Variants in ARHGAP17 observed in about 807,000 individuals in gnomAD.
ARHGAP17 encodes Rho GTPase activating protein 17, also known as rho GTPase-activating protein 17.
Under a neutral mutation model 99.5 loss-of-function variants are expected in ARHGAP17, and 57 were observed. That is an observed-to-expected ratio of 0.57 (90% CI 0.46 to 0.71). The LOEUF (loss-of-function observed/expected upper bound fraction) is 0.71. Ranked by LOEUF, ARHGAP17 falls within the 30% of genes least tolerant of loss-of-function variation. ARHGAP17 has a pLI of 0.00. For synonymous variants in ARHGAP17, 417 were observed against 429.6 expected (o/e 0.97, Z 0.36); for missense variants, 1,000 against 1,122.4 (o/e 0.89, Z 1.56).
chr16:24,976,211 G>T (rs1421598805), intron 3 of ARHGAP17, among the ~76,000 whole-genome samples: 1 of 152,180 alleles, frequency 6.6e-6, no homozygotes, highest in Non-Finnish European at 1.5e-5. Context: ...CTTGGAAAAA[G>T]CAGCTTTCTC....
In ARHGAP17 at chr16:24,954,702, C is replaced by T. The variant is rs778447658; in HGVS notation, c.753G>A (p.Gly251=). The T allele has an allele frequency of 3.8e-5, 61 of 1,613,798 alleles. No individual in the cohort carries two copies. Among genetic ancestry groups the T allele is most frequent in the Non-Finnish European group, 5.0e-5 (59 of 1,179,896 alleles). The change falls in exon 10 of 20, where the codon GGG becomes GGA. Residue 251 remains glycine, a synonymous_variant. Transcript: ENST00000289968. ...TCTTCAGGTGTTCTTCTAGGGGAGT[C>T]CCAAAGGCTGGTTTTTCCGCCCACT... ...QDKWAEKPAF[G]TPLEEHLKRS... is the part of the protein sequence containing the mutation.
chr16:24,959,798 G>A (rs1183911821), intron 8 of ARHGAP17, 46 bp from the exon 9 acceptor site: 8 of 1,607,784 alleles, frequency 5.0e-6, no homozygotes, highest in Non-Finnish European at 6.8e-6. Context: ...GTTAGCATCG[G>A]ATGGACACAC....
In ARHGAP17 at chr16:24,971,440, G is replaced by A. The variant is rs1433468038; in HGVS notation, c.199-860C>T. Reference sequence around the variant, plus strand: ...CGCCTGCCAGGTTCAAGTGATTCTCGTGCCTCAGCCTCCCCTGCTGTGATT... The same window carrying A: ...CGCCTGCCAGGTTCAAGTGATTCTCATGCCTCAGCCTCCCCTGCTGTGATT... On this transcript the variant is annotated intron_variant, in intron 3 of 19. Transcript: ENST00000289968. 2.0e-5 allele frequency among the ~76,000 whole-genome samples: 3 copies of A among 149,482 alleles called. 1 individual carries two copies. The highest frequency in any genetic ancestry group is 4.2e-4 in the South Asian group (2 of 4,734).
chr16:25,014,908 G>A (rs1346619321), intron 1 of ARHGAP17, among the ~76,000 whole-genome samples: 4 of 152,310 alleles, frequency 2.6e-5, no homozygotes, highest in African/African-American at 9.6e-5. Flanking sequence ...TCTACTCCCC[G>A]AGGGCGATGC....
At chr16:24,995,858 C>T (rs967027876) in intron 1 of ARHGAP17, among the ~76,000 whole-genome samples, 1 of 152,090 alleles carries the variant, frequency 6.6e-6, no homozygotes, top group Non-Finnish European at 1.5e-5. Context: ...ACAAATAAAA[C>T]TGCACTCACT....
intron 1 of ARHGAP17, among the ~76,000 whole-genome samples, chr16:24,990,992 T>C (rs1400403408): frequency 2.0e-5 from 3 of 152,116 alleles, no homozygotes; most frequent in Non-Finnish European, 4.4e-5. Flanking sequence ...ATGTGCATGA[T>C]TCACAACTGG....
chr16:24,946,982 C>T (rs974811753), intron 14 of ARHGAP17, among the ~76,000 whole-genome samples: 1 of 152,110 alleles, frequency 6.6e-6, no homozygotes, highest in Admixed American at 6.5e-5. Flanking sequence ...CCCAGTAGTC[C>T]CAAGTTACTC....
intron 9 of ARHGAP17, 82 bp from the exon 10 acceptor site, chr16:24,954,812 C>T (rs2141247043): frequency 6.4e-7 from 1 of 1,557,840 alleles, no homozygotes; most frequent in African/African-American, 1.4e-5. Context: ...ACCCAATGGG[C>T]TTTTCTAGCC....
chr16:24,927,963 C>T (rs918946432), intron 19 of ARHGAP17, among the ~76,000 whole-genome samples: 1 of 152,204 alleles, frequency 6.6e-6, no homozygotes, highest in Non-Finnish European at 1.5e-5. Context: ...AATCTCCCCC[C>T]AAGAGTTTAT....
chr16:25,014,734 CAGG>C (rs1264802594), intron 1 of ARHGAP17, among the ~76,000 whole-genome samples: 19 of 152,338 alleles, frequency 1.2e-4, no homozygotes, highest in African/African-American at 4.6e-4. Context: ...CATGCACTTA[CAGG>C]AGAAGGACTC....
chr16:24,986,459 A>G (rs6497766), intron 1 of ARHGAP17, among the ~76,000 whole-genome samples: 75,728 of 152,066 alleles, frequency 0.5, 20,443 homozygotes, highest in African/African-American at 0.72. Context: ...GCTCAGAAGA[A>G]TGGTTATTTT....
intron 14 of ARHGAP17, among the ~76,000 whole-genome samples, chr16:24,946,925 A>G (rs2051490616): frequency 6.6e-6 from 1 of 152,360 alleles, no homozygotes; most frequent in East Asian, 1.9e-4. Flanking sequence ...AATGTCAGAC[A>G]TGACACTGAT....
At chr16:24,949,006 T>C (rs1458069557) in intron 13 of ARHGAP17, 2 of 154,472 alleles carry the variant, frequency 1.3e-5, no homozygotes, top group Non-Finnish European at 2.9e-5. Context: ...TTTAGTAAGA[T>C]GATTTATACT....
Position 24,961,607 on chromosome 16 carries a change from C to T in ARHGAP17, c.574-1628G>A, listed in dbSNP as rs113800150. 3.3e-3 allele frequency among the ~76,000 whole-genome samples: 490 copies of T among 148,434 alleles called. 4 individuals are homozygous for T. Among genetic ancestry groups the T allele is most frequent in the African/African-American group, 0.011 (461 of 40,268 alleles). ...GTCTGGTGGCGCAATCTTGGCCCAC[C>T]GCAACCTCCATCTCCGGGGTTCAAG... is the stretch of plus-strand genomic sequence containing the variant. On this transcript the variant is annotated intron_variant, in intron 7 of 19. Transcript: ENST00000289968.
chr16:24,950,678 T>C (rs906436529), intron 12 of ARHGAP17, among the ~76,000 whole-genome samples: 6 of 151,260 alleles, frequency 4.0e-5, no homozygotes, highest in African/African-American at 1.5e-4. Context: ...CTACTAAAAA[T>C]ACAAAAAAAT....
chr16:24,931,785 A>C (rs547553688), intron 18 of ARHGAP17, among the ~76,000 whole-genome samples: 1 of 152,168 alleles, frequency 6.6e-6, no homozygotes, highest in Non-Finnish European at 1.5e-5. Context: ...TGAGTGGAAA[A>C]ACTAGGGAAA....
intron 1 of ARHGAP17, among the ~76,000 whole-genome samples, chr16:24,999,373 T>C (rs1217734174): frequency 2.0e-5 from 3 of 152,034 alleles, no homozygotes; most frequent in African/African-American, 7.2e-5. Flanking sequence ...AGAAGTGTAG[T>C]TATTATGTGG....
At chr16:24,947,333 T>G (rs1337819625) in intron 14 of ARHGAP17, 149 bp downstream of exon 14, 1 of 673,948 alleles carries the variant, frequency 1.5e-6, no homozygotes, top group Non-Finnish European at 2.5e-6. Context: ...CTCACAGCTG[T>G]GTTCCAAGAA....
intron 10 of ARHGAP17, among the ~76,000 whole-genome samples, chr16:24,953,967 C>T (rs2051725724): frequency 6.6e-6 from 1 of 151,916 alleles, no homozygotes; most frequent in Non-Finnish European, 1.5e-5. Context: ...GTCATGCAAG[C>T]ACATCAAGCT....
Sources: gnomAD v4.1 joint callset for allele counts (sites outside exome capture counted in the v4.1 genomes callset) on GRCh38, gnomAD v4.1.1 for gene constraint, MANE v1.5 for transcripts, NCBI Gene and HGNC (gene_info 2026-07-23, HGNC 2026-07-21) for gene names.